UFD1: variants seen among roughly 807,000 people sequenced by gnomAD.
UFD1 encodes the protein ubiquitin recognition factor in ER-associated degradation protein 1.
Under a neutral mutation model 45.9 loss-of-function variants are expected in UFD1, and 13 were observed. The observed-to-expected ratio is 0.28, with a 90% CI of 0.18 to 0.45. UFD1 has a LOEUF of 0.45. Among genes scored for constraint, UFD1 ranks in the 20% least tolerant of loss-of-function variants. The pLI, the probability that UFD1 is intolerant of heterozygous loss-of-function variation, is 1.00. For missense variants in UFD1, 218 were observed against 389.2 expected, an observed-to-expected ratio of 0.56 and a Z score of 3.70; for synonymous variants, 128 against 139.2, an observed-to-expected ratio of 0.92 and a Z score of 0.56.
At chr22:19,474,913 A>T (rs1302405685) in intron 3 of UFD1, among the ~76,000 whole-genome samples, 155 bp downstream of exon 3, 1 of 152,178 alleles carries the variant, frequency 6.6e-6, no homozygotes. Flanking sequence ...CCTGTGACCC[A>T]GGTTCTCCCA....
chr22:19,472,037 A>G (rs960570407), intron 3 of UFD1, among the ~76,000 whole-genome samples: 3 of 152,196 alleles, frequency 2.0e-5, no homozygotes, highest in Admixed American at 6.5e-5. Flanking sequence ...AACATTTTAA[A>G]AAGTGATGTG....
chr22:19,473,924 CCA>C (rs1486536137), intron 3 of UFD1, among the ~76,000 whole-genome samples: 2 of 152,152 alleles, frequency 1.3e-5, no homozygotes, highest in Non-Finnish European at 2.9e-5. Context: ...CTGGCCAACC[CCA>C]GTCTCCTGCC....
At chr22:19,474,103 G>A (rs945624531) in intron 3 of UFD1, among the ~76,000 whole-genome samples, 1 of 152,188 alleles carries the variant, frequency 6.6e-6, no homozygotes, top group Non-Finnish European at 1.5e-5. Context: ...AGAAAAGGGA[G>A]GAAGAATGTG....
chr22:19,476,573 AC>A (rs1171001349), intron 1 of UFD1, among the ~76,000 whole-genome samples: 1 of 90,304 alleles, frequency 1.1e-5, no homozygotes, highest in Non-Finnish European at 2.1e-5. Flanking sequence ...TATTCCTCCC[AC>A]CCCCCACCCC....
chr22:19,453,531 A>C, intron 11 of UFD1: 1 of 985,530 alleles, frequency 1.0e-6, no homozygotes, highest in Non-Finnish European at 1.2e-6. Flanking sequence ...CTAAGGTCTT[A>C]GGTCGGAGTC....
intron 3 of UFD1, among the ~76,000 whole-genome samples, chr22:19,473,817 C>T (rs986350474): frequency 6.6e-6 from 1 of 152,194 alleles, no homozygotes; most frequent in Non-Finnish European, 1.5e-5. Context: ...TGGAGTCAGG[C>T]TGGGCAAAGA....
intron 11 of UFD1, chr22:19,450,983 T>A: frequency 3.4e-6 from 4 of 1,182,820 alleles, no homozygotes; most frequent in Non-Finnish European, 3.3e-6. Flanking sequence ...CAAAAATAGC[T>A]CAGTGTGGTA....
At chr22:19,450,868 G>C (rs150670436) in intron 11 of UFD1, 124 bp from the exon 12 acceptor site, 1 of 1,546,426 alleles carries the variant, frequency 6.5e-7, no homozygotes, top group African/African-American at 1.4e-5. Flanking sequence ...GGACACGATA[G>C]CTGACACCTG....
chr22:19,478,819 A>C (rs1319167738), intron 1 of UFD1: 6 of 526,510 alleles, frequency 1.1e-5, no homozygotes, highest in African/African-American at 6.1e-5. Context: ...GTGAATGGAC[A>C]CAAACCTTCC....
chr22:19,471,580 G>T, intron 4 of UFD1, 107 bp downstream of exon 4: 1 of 1,495,184 alleles, frequency 6.7e-7, no homozygotes, highest in East Asian at 2.3e-5. Context: ...AAGACGCTGA[G>T]CAGGAGGAGT....
At position 19,450,701 on chromosome 22, in the gene UFD1, T is replaced by C; in HGVS notation, c.893A>G (p.Gln298Arg). ...CTTTCTTCCCTTTTTACGCAATGACTGTCCTTCTCCAGAGAAAGCGACGAA... is the reference window on the plus strand; with the variant it reads ...CTTTCTTCCCTTTTTACGCAATGACCGTCCTTCTCCAGAGAAAGCGACGAA... The part of the protein sequence containing the change: ...GRFVAFSGEG[Q>R]SLRKKGRKP The change falls in exon 12 of 12, where the codon CAG (glutamine) becomes CGG (arginine). Residue 298 changes from glutamine to arginine, a missense_variant. By Grantham distance (43) the Gln-to-Arg change is conservative (BLOSUM62 1). Around this residue, in one of 2 missense-constraint regions of UFD1, gnomAD observed 69 missense variants for 81.7 expected, o/e 0.84. Coordinates refer to ENST00000263202, the MANE Select transcript of UFD1 (RefSeq NM_005659.7). 3 of 1,614,220 alleles carry C rather than the reference T, an allele frequency of 1.9e-6. No individual in the cohort carries two copies. Among genetic ancestry groups the C allele is most frequent in the South Asian group, 1.1e-5 (1 of 91,092 alleles).
At chr22:19,454,863 T>C in intron 10 of UFD1, 33 bp from the exon 11 acceptor site, 4 of 1,596,272 alleles carry the variant, frequency 2.5e-6, no homozygotes, top group South Asian at 2.3e-5. Context: ...AGAAATGTTA[T>C]TTCCAGGAAA....
At position 19,475,621 on chromosome 22, in the gene UFD1, A is replaced by G; in HGVS notation, c.4-19T>C. ...AAGAGAACTAGAAGGAGGAAAGAGA[A>G]ACAAGTATTAAAACAAAGGTACATT... is the stretch of plus-strand genomic sequence containing the variant. On this transcript the variant is annotated intron_variant, in intron 1 of 11. Coordinates refer to ENST00000263202, the MANE Select transcript of UFD1 (RefSeq NM_005659.7). 6.2e-7 allele frequency: 1 copy of G among 1,613,910 alleles called. No individual in the cohort carries two copies.
intron 3 of UFD1, among the ~76,000 whole-genome samples, chr22:19,472,231 C>T (rs113111963): frequency 5.9e-5 from 9 of 152,188 alleles, no homozygotes; most frequent in South Asian, 2.1e-4. Context: ...TCCTAGAGGC[C>T]GAGTTCTTTA....
At chr22:19,466,278 G>A (rs774779834) in intron 5 of UFD1, 1 of 152,366 alleles carries the variant, frequency 6.6e-6, no homozygotes, top group East Asian at 1.9e-4. Flanking sequence ...AGCAGCTGGA[G>A]GAGCAGAGCC....
intron 4 of UFD1, chr22:19,470,010 G>C (rs201616450): frequency 3.9e-6 from 2 of 518,638 alleles, no homozygotes; most frequent in South Asian, 1.4e-5. Context: ...CCACAGAAGG[G>C]ACTGGGGAAG....
At chr22:19,450,889 A>G in intron 11 of UFD1, 145 bp from the exon 12 acceptor site, 1 of 1,489,118 alleles carries the variant, frequency 6.7e-7, no homozygotes, top group Non-Finnish European at 8.9e-7. Flanking sequence ...TAATCCCAGC[A>G]CTTTAGGAGG....
chr22:19,468,388 A>G (rs915416839), intron 4 of UFD1, among the ~76,000 whole-genome samples: 4 of 152,158 alleles, frequency 2.6e-5, no homozygotes, highest in African/African-American at 7.2e-5. Context: ...GGTAGGACAA[A>G]AGCAGCACAA....
At chr22:19,473,615 T>C (rs1396038024) in intron 3 of UFD1, among the ~76,000 whole-genome samples, 2 of 152,204 alleles carry the variant, frequency 1.3e-5, no homozygotes, top group African/African-American at 4.8e-5. Flanking sequence ...TCTGTTGACC[T>C]ACTGGTTGAG....
Sources: gnomAD v4.1 joint callset for allele counts (sites outside exome capture counted in the v4.1 genomes callset) on GRCh38, gnomAD v4.1.1 for gene constraint, gnomAD v4.1.1 regional missense constraint, MANE v1.5 for transcripts, NCBI Gene and HGNC (gene_info 2026-07-23, HGNC 2026-07-21) for gene names.